Variants in CACNA1H observed in about 807,000 individuals in gnomAD.
CACNA1H encodes the protein voltage-dependent T-type calcium channel subunit alpha-1H.
CACNA1H carries 149 observed loss-of-function variants against 192.5 expected under a neutral mutation model. That is an observed-to-expected ratio of 0.77 (90% CI 0.68 to 0.89). The LOEUF is 0.89. Ranked by LOEUF, CACNA1H falls within the 40% of genes least tolerant of loss-of-function variation. The probability of loss-of-function intolerance (pLI) is 0.00; values close to 1 mark genes in which losing one functional copy is unlikely to be tolerated. For missense variants in CACNA1H, 4,257 were observed against 3,423.5 expected (o/e 1.24, Z -6.08); for synonymous variants, 2,202 against 1,475.2 (o/e 1.49, Z -11.29).
intron 14 of CACNA1H, 109 bp from the exon 15 acceptor site, chr16:1,207,661 G>A: frequency 9.6e-7 from 1 of 1,043,304 alleles, no homozygotes. Flanking sequence ...CATCCTCTGG[G>A]CCCTTCTGTC....
chr16:1,202,069 G>A lies in CACNA1H; in HGVS notation c.1619G>A (p.Gly540Asp). 2 of 1,540,160 alleles carry A rather than the reference G, an allele frequency of 1.3e-6. No individual in the cohort carries two copies. Among genetic ancestry groups the A allele is most frequent in the South Asian group, 1.2e-5 (1 of 83,914 alleles). The change falls in exon 9 of 35, where the codon GGC becomes GAC. Residue 540 changes from glycine to aspartate, a missense_variant. Transcript: ENST00000348261. Reference protein sequence around the residue: ...HFSHGSPRRPGPEPGACDTRL... With the variant: ...HFSHGSPRRPDPEPGACDTRL... ...AGCCATGGCAGCCCCCGCAGGCCCG[G>A]CCCCGAGCCAGGCGCCTGCGACACC... is the stretch of plus-strand genomic sequence containing the variant.
chr16:1,189,886 G>T (rs983638183), intron 2 of CACNA1H, among the ~76,000 whole-genome samples: 1 of 152,222 alleles, frequency 6.6e-6, no homozygotes, highest in Admixed American at 6.5e-5. Context: ...CCTGGCTCGT[G>T]AGCCCAGTCC....
chr16:1,198,862 G>A lies in CACNA1H; in HGVS notation c.803+88G>A, dbSNP rs60635875. 1,140 of 1,327,754 alleles carry A rather than the reference G, an allele frequency of 8.6e-4. 10 individuals carry two copies. In the African/African-American group the frequency reaches 0.015, roughly 17 times the overall value. 82.2% of individuals were successfully genotyped at this position (1,327,754 alleles called of 1,614,324 possible). On this transcript the variant is annotated intron_variant, in intron 6 of 34. Coordinates refer to ENST00000348261, the MANE Select transcript of CACNA1H (RefSeq NM_021098.3). ...GCACCATGTGGCTCCACCGCCCCAC[G>A]TGGCTCTGCCCACCGTGCAGTCACC...
rs145194840 is a variant in CACNA1H at position 1,199,575 on chromosome 16, C to T, written c.804-681C>T. On this transcript the variant is annotated intron_variant, in intron 6 of 34. Coordinates refer to ENST00000348261, the MANE Select transcript of CACNA1H (RefSeq NM_021098.3). ...GTCCCAACACTTCATCCCCTCCCCA[C>T]ACCCCAGAGTCCGTCACACCTTACC... 4.5e-3 allele frequency among the ~76,000 whole-genome samples: 685 copies of T among 151,170 alleles called. 4 individuals are homozygous for T. The highest frequency in any genetic ancestry group is 0.016 in the African/African-American group (646 of 41,026).
chr16:1,210,657 G>A lies in CACNA1H; in HGVS notation c.4038+6G>A, dbSNP rs112068805. ...TGGCGGAGATGATGGTGAAGGTACCGCGGGGCCCGGGGACTGCCCTTGTTC... is the reference window on the plus strand; with the variant it reads ...TGGCGGAGATGATGGTGAAGGTACCACGGGGCCCGGGGACTGCCCTTGTTC... On this transcript the variant is annotated splice_donor_region_variant and intron_variant, in intron 20 of 34. Coordinates refer to ENST00000348261, the MANE Select transcript of CACNA1H (RefSeq NM_021098.3). 38 of 1,601,484 alleles carry A rather than the reference G, an allele frequency of 2.4e-5. No individual in the cohort carries two copies. The highest frequency in any genetic ancestry group is 1.5e-4 in the African/African-American group (11 of 75,028).
At position 1,204,571 on chromosome 16, in the gene CACNA1H, C is replaced by T. The variant is rs1001306767; in HGVS notation, c.2451+113C>T. 7.2e-6 allele frequency: 6 copies of T among 832,626 alleles called. No homozygotes were observed. In the Admixed American group the frequency reaches 8.7e-5, roughly 12 times the overall value. 51.6% of individuals were successfully genotyped at this position (832,626 alleles called of 1,614,324 possible). A position where few individuals can be genotyped will look rare whatever the true frequency, so the allele number is the denominator to read the frequency against. ...CTGACCTGATGGTAGGACGGTCAGG[C>T]AGGGCTCTAGAAAGCCGGGGATGGT... On this transcript the variant is annotated intron_variant, in intron 10 of 34. Transcript: ENST00000348261.
At position 1,206,126 on chromosome 16, in the gene CACNA1H, G is replaced by A. The variant is rs58173258; in HGVS notation, c.2626G>A (p.Ala876Thr). 2,507 of 1,583,716 alleles carry A rather than the reference G, an allele frequency of 1.6e-3. 2 individuals are homozygous for A. The highest frequency in any genetic ancestry group is 2.9e-3 in the Admixed American group (165 of 56,782). Residue 876 changes from alanine (A) to threonine (T), a missense_variant, in exon 12 of 35, where the codon GCG becomes ACG. Coordinates refer to ENST00000348261, the MANE Select transcript of CACNA1H (RefSeq NM_021098.3). ...VISVWEIVGQ[A>T]DGGLSVLRTF... is the part of the protein sequence containing the mutation. ...CAGCGTCTGGGAGATCGTGGGGCAG[G>A]CGGACGGTGGCTTGTCTGTGCTGCG... is the stretch of plus-strand genomic sequence containing the variant.
At chr16:1,162,845 A>G (rs1963359970) in intron 2 of CACNA1H, among the ~76,000 whole-genome samples, 1 of 152,288 alleles carries the variant, frequency 6.6e-6, no homozygotes, top group African/African-American at 2.4e-5. Flanking sequence ...GGGGTGGGAT[A>G]GTCCCAGGTG....
intron 5 of CACNA1H, 60 bp from the exon 6 acceptor site, chr16:1,198,555 C>G: frequency 6.3e-7 from 1 of 1,581,478 alleles, no homozygotes. Context: ...GGAGGGGCTG[C>G]AGCCCCGAGG....
intron 6 of CACNA1H, among the ~76,000 whole-genome samples, chr16:1,199,807 C>T (rs1967582033): frequency 1.3e-5 from 2 of 151,808 alleles, no homozygotes; most frequent in East Asian, 2.0e-4. Context: ...CCCAGGGCTG[C>T]CTCCTTTCCC....
chr16:1,201,902 C>T lies in CACNA1H; in HGVS notation c.1452C>T (p.Ser484=), dbSNP rs1477464961. ...TGCGCCTCTACGCCCGCTGGCAGAG[C>T]CGCTGGCGCAAGAAGGTGGACCCCA... ...RSLRLYARWQ[S]RWRKKVDPSA... The change falls in exon 9 of 35, where the codon AGC becomes AGT. Residue 484 remains serine (S), a synonymous_variant. Coordinates refer to ENST00000348261, the MANE Select transcript of CACNA1H (RefSeq NM_021098.3). The T allele has an allele frequency of 6.4e-7, 1 of 1,550,618 alleles. No individual in the cohort carries two copies. The highest frequency in any genetic ancestry group is 1.2e-5 in the South Asian group (1 of 84,126).
At chr16:1,200,039 C>T (rs771873337) in intron 6 of CACNA1H, among the ~76,000 whole-genome samples, 13 of 152,158 alleles carry the variant, frequency 8.5e-5, no homozygotes, top group African/African-American at 1.4e-4. Context: ...GTGTTCTTGA[C>T]CCTGGTCCTG....
At position 1,163,190 on chromosome 16, in the gene CACNA1H, A is replaced by C. The variant is rs564300440; in HGVS notation, c.299+9154A>C. Among the ~76,000 whole-genome samples, 6 of 152,332 alleles carry C rather than the reference A, an allele frequency of 3.9e-5. 1 individual carries two copies. In the East Asian group the frequency reaches 1.2e-3, roughly 29 times the overall value. The stretch of plus-strand genomic sequence containing the variant: ...CGGAGAGGCGACAGCCACCTCCCCC[A>C]GCTCGGCCATGGACCTTGAGGCTTG... On this transcript the variant is annotated intron_variant, in intron 2 of 34. Transcript: ENST00000348261.
rs532288238 is a variant in CACNA1H at position 1,169,001 on chromosome 16, C to T, written c.299+14965C>T. Among the ~76,000 whole-genome samples the T allele has an allele frequency of 1.1e-4, 16 of 152,214 alleles. No individual in the cohort carries two copies. The South Asian group carries it at 2.3e-3, about 22-fold the overall frequency. Reference sequence around the variant, plus strand: ...GTGGAGTCTTAGGGTGATGCCAGGGCGTTCTCTGCCAGGGTTACGAGTGCG... The same window carrying T: ...GTGGAGTCTTAGGGTGATGCCAGGGTGTTCTCTGCCAGGGTTACGAGTGCG... On this transcript the variant is annotated intron_variant, in intron 2 of 34. Coordinates refer to ENST00000348261, the MANE Select transcript of CACNA1H (RefSeq NM_021098.3).
At chr16:1,181,022 C>A (rs1194508473) in intron 2 of CACNA1H, among the ~76,000 whole-genome samples, 2 of 152,206 alleles carry the variant, frequency 1.3e-5, no homozygotes, top group African/African-American at 4.8e-5. Flanking sequence ...AGCGCCTGGT[C>A]CCCTGGGGTG....
At position 1,220,076 on chromosome 16, in the gene CACNA1H, G is replaced by A. The variant is rs759924315; in HGVS notation, c.6144G>A (p.Pro2048=). Residue 2048 remains proline, a synonymous_variant, in exon 35 of 35, where the codon CCG becomes CCA. Coordinates refer to ENST00000348261, the MANE Select transcript of CACNA1H (RefSeq NM_021098.3). ...CTGGTGAGAAAACCCCGGTGAGGCC[G>A]GTGACCCAGGGGGGCTCCCTGCAGT... ...AEPGEKTPVR[P]VTQGGSLQSP... 1.0e-4 allele frequency: 148 copies of A among 1,444,424 alleles called. No homozygotes were observed. Among genetic ancestry groups the A allele is most frequent in the South Asian group, 3.5e-4 (22 of 62,068 alleles). 89.5% of individuals were successfully genotyped at this position (1,444,424 alleles called of 1,614,324 possible).
In CACNA1H at chr16:1,180,134, G is replaced by A. The variant is rs1965321053; in HGVS notation, c.300-14838G>A. On this transcript the variant is annotated intron_variant, in intron 2 of 34. Transcript: ENST00000348261. The surrounding 1 kb of genome is among the most constrained non-coding windows in gnomAD (Gnocchi z 4.4). ...GGGGCGTCGTGTGGATGGACGGCCA[G>A]CCCGTTGGGTGCCCTGGCTGGGTCC... is the stretch of plus-strand genomic sequence containing the variant. 6.6e-6 allele frequency among the ~76,000 whole-genome samples: 1 copy of A among 152,110 alleles called. No individual in the cohort carries two copies. The highest frequency in any genetic ancestry group is 1.5e-5 in the Non-Finnish European group (1 of 68,020).
In CACNA1H at chr16:1,216,926, G is replaced by A. The variant is rs549929595; in HGVS notation, c.5245-6G>A. The A allele has an allele frequency of 1.8e-5, 28 of 1,599,474 alleles. No homozygotes were observed. In the South Asian group the frequency reaches 2.8e-4, roughly 16 times the overall value. On this transcript the variant is annotated splice_polypyrimidine_tract_variant and splice_region_variant and intron_variant, in intron 30 of 34. Transcript: ENST00000348261. ...TCTGACCCAGCTCTGCTTCTCTCTT[G>A]TGTAGGTGGGGAACCTGGGCCTTCT...
intron 30 of CACNA1H, among the ~76,000 whole-genome samples, chr16:1,216,513 G>A (rs1436532166): frequency 2.0e-5 from 3 of 152,220 alleles, no homozygotes; most frequent in African/African-American, 4.8e-5. Context: ...AGTCAGCTGC[G>A]TGCTGGCCTG....
Sources: gnomAD v4.1 joint callset for allele counts (sites outside exome capture counted in the v4.1 genomes callset) on GRCh38, gnomAD v4.1.1 for gene constraint, Gnocchi (gnomAD v3.1) non-coding constraint, MANE v1.5 for transcripts, NCBI Gene and HGNC (gene_info 2026-07-23, HGNC 2026-07-21) for gene names.